The following CD2AP variants were observed in gnomAD, a reference collection of about 807,000 sequenced individuals.
CD2AP encodes CD2 associated protein.
CD2AP carries 46 observed loss-of-function variants against 85.1 expected under a neutral mutation model. That is an observed-to-expected ratio of 0.54 (90% CI 0.43 to 0.69). The LOEUF is 0.69. Among genes scored for constraint, CD2AP ranks in the 30% least tolerant of loss-of-function variants. The pLI is 0.00. For synonymous variants in CD2AP, 255 were observed against 252.9 expected, an observed-to-expected ratio of 1.01 and a Z score of -0.08; for missense variants, 769 against 729.5, an observed-to-expected ratio of 1.05 and a Z score of -0.62.
chr6:47,569,004 G>C (rs1056633881), intron 5 of CD2AP, among the ~76,000 whole-genome samples: 1 of 152,136 alleles, frequency 6.6e-6, no homozygotes, highest in Non-Finnish European at 1.5e-5. Flanking sequence ...GATATTACTT[G>C]GGAGGTTAAG....
At position 47,489,504 on chromosome 6, in the gene CD2AP, G is replaced by A. The variant is rs78216498; in HGVS notation, c.4+11256G>A. On this transcript the variant is annotated intron_variant, in intron 1 of 17. Coordinates refer to ENST00000359314, the MANE Select transcript of CD2AP (RefSeq NM_012120.3). ...CTCGACTAGTTTTTTAAAAAATAAA[G>A]GTCTGTTTGGAAACTGAGGGAAGTT... Among the ~76,000 whole-genome samples the A allele has an allele frequency of 7.9e-3, 1,198 of 152,104 alleles. 13 individuals are homozygous for A. Among genetic ancestry groups the A allele is most frequent in the African/African-American group, 0.027 (1,118 of 41,504 alleles).
At position 47,625,595 on chromosome 6, in the gene CD2AP, TTTA is replaced by T. The variant is rs1313893987; in HGVS notation, c.*1373_*1375del. On this transcript the variant is annotated 3_prime_UTR_variant, in exon 18 of 18. Coordinates refer to ENST00000359314, the MANE Select transcript of CD2AP (RefSeq NM_012120.3). ...TTATTTGCAAAAAATTGTTTTATGC[TTTA>T]TTATATCGCAAATGAGTGTCAGATT... The T allele has an allele frequency of 2.6e-5, 4 of 151,870 alleles. No individual in the cohort carries two copies. The highest frequency in any genetic ancestry group is 2.6e-4 in the Admixed American group (4 of 15,260). The allele number at this position is 151,870 out of a possible 1,614,324, so 9.4% of individuals were successfully genotyped here. A position where few individuals can be genotyped will look rare whatever the true frequency, so the allele number is the denominator to read the frequency against.
chr6:47,549,597 C>T (rs1426978660), intron 4 of CD2AP, among the ~76,000 whole-genome samples: 4 of 151,868 alleles, frequency 2.6e-5, no homozygotes, highest in Non-Finnish European at 4.4e-5. Flanking sequence ...CTCATGGTCA[C>T]GGATGGGTAG....
chr6:47,576,843 A>G (rs1215571719), intron 7 of CD2AP, among the ~76,000 whole-genome samples, 166 bp from the exon 8 acceptor site: 2 of 152,318 alleles, frequency 1.3e-5, no homozygotes, highest in Non-Finnish European at 2.9e-5. Context: ...GATTAATGAA[A>G]TTGTTACTTA....
At chr6:47,562,911 G>C in intron 5 of CD2AP, 1 of 666,022 alleles carries the variant, frequency 1.5e-6, no homozygotes, top group South Asian at 1.7e-5. Flanking sequence ...AATTGACAGA[G>C]AGAGAAAACC....
chr6:47,555,759 T>A (rs1278316438), intron 5 of CD2AP, among the ~76,000 whole-genome samples: 1 of 152,112 alleles, frequency 6.6e-6, no homozygotes, highest in Admixed American at 6.5e-5. Flanking sequence ...TGTGCCTTGG[T>A]TGTCTTTGCT....
chr6:47,546,981 A>G (rs112625917), intron 4 of CD2AP, among the ~76,000 whole-genome samples: 8 of 152,328 alleles, frequency 5.3e-5, no homozygotes, highest in African/African-American at 1.9e-4. Context: ...ATGCTGAGAG[A>G]ATTCACTACT....
intron 5 of CD2AP, 35 bp from the exon 6 acceptor site, chr6:47,574,029 A>G: frequency 6.4e-7 from 1 of 1,565,960 alleles, no homozygotes. Flanking sequence ...TTGTGATTCT[A>G]GGTGTCATTC....
At chr6:47,513,143 C>CTTTTTTT (rs34297362) in intron 2 of CD2AP, among the ~76,000 whole-genome samples, 1 of 136,356 alleles carries the variant, frequency 7.3e-6, no homozygotes. Flanking sequence ...ATCTGAATAC[C>CTTTTTTT]TTTTTTTTTT....
At chr6:47,532,027 C>A (rs998289619) in intron 2 of CD2AP, among the ~76,000 whole-genome samples, 1 of 151,608 alleles carries the variant, frequency 6.6e-6, no homozygotes, top group Non-Finnish European at 1.5e-5. Context: ...GACCAGAGAT[C>A]GCGCTCAGTG....
rs1243573700 is a variant in CD2AP at position 47,609,313 on chromosome 6, C to T, written c.1814+9C>T. 1.9e-6 allele frequency: 3 copies of T among 1,603,476 alleles called. No homozygotes were observed. The highest frequency in any genetic ancestry group is 2.6e-6 in the Non-Finnish European group (3 of 1,171,034). On this transcript the variant is annotated intron_variant, in intron 16 of 17. Transcript: ENST00000359314. ...CTGAAAAAGGATCACGGGTAAGTAG[C>T]CCTTCTTTTCTCCTGTGAGTACTAC...
chr6:47,487,710 CAAACA>C (rs1765600719), intron 1 of CD2AP, among the ~76,000 whole-genome samples: 1 of 149,450 alleles, frequency 6.7e-6, no homozygotes, highest in South Asian at 2.1e-4. Context: ...AACAAACAAA[CAAACA>C]AAACAAAACT....
chr6:47,486,116 G>GT (rs936698326), intron 1 of CD2AP, among the ~76,000 whole-genome samples: 1 of 152,216 alleles, frequency 6.6e-6, no homozygotes, highest in Admixed American at 6.5e-5. Context: ...GCTGGTGAGA[G>GT]TTTAATCAAT....
Position 47,624,490 on chromosome 6 carries a change from T to C in CD2AP, c.*263T>C. ...AAAATTGTTTGCTTGAAAATACTAC[T>C]GAATATAAATAAGAATGTGCACAGT... On this transcript the variant is annotated 3_prime_UTR_variant, in exon 18 of 18. Coordinates refer to ENST00000359314, the MANE Select transcript of CD2AP (RefSeq NM_012120.3). 1 of 426,774 alleles carries C rather than the reference T, an allele frequency of 2.3e-6. No individual in the cohort carries two copies. Among genetic ancestry groups the C allele is most frequent in the Non-Finnish European group, 4.2e-6 (1 of 239,130 alleles). 26.4% of individuals were successfully genotyped at this position (426,774 alleles called of 1,614,324 possible).
chr6:47,594,871 A>G (rs1013157266), intron 11 of CD2AP, among the ~76,000 whole-genome samples: 3 of 152,050 alleles, frequency 2.0e-5, no homozygotes, highest in Non-Finnish European at 4.4e-5. Flanking sequence ...AGGTTTAGCT[A>G]TGTGCTACGA....
chr6:47,620,273 A>C (rs1049411478), intron 17 of CD2AP, among the ~76,000 whole-genome samples: 1 of 152,170 alleles, frequency 6.6e-6, no homozygotes, highest in Non-Finnish European at 1.5e-5. Flanking sequence ...TCATTCTCCT[A>C]CATGCGGCTA....
At chr6:47,620,106 T>C (rs1223986329) in intron 17 of CD2AP, among the ~76,000 whole-genome samples, 1 of 152,246 alleles carries the variant, frequency 6.6e-6, no homozygotes, top group Non-Finnish European at 1.5e-5. Flanking sequence ...TGCATTTGCT[T>C]TTGGGTTTTT....
At position 47,625,244 on chromosome 6, in the gene CD2AP, T is replaced by A. The variant is rs192279940; in HGVS notation, c.*1017T>A. 17 of 152,020 alleles carry A rather than the reference T, an allele frequency of 1.1e-4. No individual in the cohort carries two copies. In the East Asian group the frequency reaches 3.3e-3, roughly 29 times the overall value. 9.4% of individuals were successfully genotyped at this position (152,020 alleles called of 1,614,324 possible). On this transcript the variant is annotated 3_prime_UTR_variant, in exon 18 of 18. Transcript: ENST00000359314. ...CTTTTCAGAACTTCAGTGTGAGGTT[T>A]CCTATTTTGACAAGTTAACTTGTAA... is the stretch of plus-strand genomic sequence containing the variant.
intron 4 of CD2AP, among the ~76,000 whole-genome samples, chr6:47,549,547 T>C (rs765259118): frequency 2.7e-5 from 4 of 150,438 alleles, no homozygotes; most frequent in African/African-American, 4.9e-5. Context: ...TACAAAAACC[T>C]GCTGAAAGAA....
Sources: allele counts gnomAD v4.1 joint callset (sites outside exome capture counted in the v4.1 genomes callset), GRCh38; gene constraint gnomAD v4.1.1; transcripts MANE v1.5; gene names NCBI Gene and HGNC (gene_info 2026-07-23, HGNC 2026-07-21).